Variants in TMF1 observed in about 807,000 individuals in gnomAD.
The protein encoded by TMF1 is TATA element modulatory factor 1.
In TMF1, 71 loss-of-function variants were observed where a neutral mutation model predicts 126.5. That is an observed-to-expected ratio of 0.56 (90% CI 0.46 to 0.68). The LOEUF (loss-of-function observed/expected upper bound fraction) is 0.68, where lower values mean the gene tolerates loss of function less well. Ranked by LOEUF, TMF1 falls within the 30% of genes least tolerant of loss-of-function variation. The pLI is 0.00. For missense variants in TMF1, 1,259 were observed against 1,253.2 expected (o/e 1.00, Z -0.07); for synonymous variants, 461 against 430.5 (o/e 1.07, Z -0.88).
chr3:69,039,009 C>T lies in TMF1; in HGVS notation c.1828G>A (p.Val610Ile). 1.3e-6 allele frequency: 2 copies of T among 1,543,586 alleles called. No homozygotes were observed. The highest frequency in any genetic ancestry group is 1.7e-6 in the Non-Finnish European group (2 of 1,146,632). Residue 610 changes from valine to isoleucine, a missense_variant and splice_region_variant, in exon 7 of 17, where the codon GTC becomes ATC. Coordinates refer to ENST00000398559, the MANE Select transcript of TMF1 (RefSeq NM_007114.3). ...LEEELQHLKQ[V>I]LDGKEEVEKQ... ...TCAACCTCTTCTTTGCCATCAAGGA[C>T]CTATATGTTATAAAAACAGACAAAA...
Position 69,039,674 on chromosome 3 carries a change from C to T in TMF1, c.1704G>A (p.Gln568=). 6.2e-7 allele frequency: 1 copy of T among 1,610,720 alleles called. No homozygotes were observed. The highest frequency in any genetic ancestry group is 8.5e-7 in the Non-Finnish European group (1 of 1,179,070). Residue 568 remains glutamine, a synonymous_variant, in exon 6 of 17, where the codon CAG becomes CAA. Transcript: ENST00000398559. ...LMEEGEKLSK[Q]QLHNSNIIKK... is the part of the protein sequence containing the mutation. ...TGATGATGTTAGAATTGTGCAGCTG[C>T]TGTTTTGAAAGTTTTTCTCCTGGTG...
At chr3:69,028,124 G>T in intron 12 of TMF1, 102 bp downstream of exon 12, 1 of 1,170,676 alleles carries the variant, frequency 8.5e-7, no homozygotes, top group Non-Finnish European at 1.3e-6. Flanking sequence ...TCCAAAAGCA[G>T]TGGCATCACC....
intron 13 of TMF1, among the ~76,000 whole-genome samples, chr3:69,027,679 T>TA (rs11318005): frequency 1.2e-3 from 154 of 130,690 alleles, no homozygotes; most frequent in African/African-American, 2.8e-3. Flanking sequence ...GCTGATGAAC[T>TA]AAAAAAAAAA....
intron 9 of TMF1, 42 bp from the exon 10 acceptor site, chr3:69,033,746 A>G (rs370826273): frequency 6.7e-7 from 1 of 1,496,710 alleles, no homozygotes; most frequent in Non-Finnish European, 9.0e-7. Context: ...TGACAGCAAT[A>G]AAAACATTAA....
In TMF1 at chr3:69,047,759, T is replaced by G. The variant is rs777273848; in HGVS notation, c.946A>C (p.Ser316Arg). 1 of 1,614,112 alleles carries G rather than the reference T, an allele frequency of 6.2e-7. No homozygotes were observed. The highest frequency in any genetic ancestry group is 1.7e-5 in the Admixed American group (1 of 60,012). ...TCAAAAGCATCAGATGAACAGCAAC[T>G]CTCAGTGAGTTTTTGGAAATCATCT... ...RLDDFQKLTE[S>R]CCSSDAFERI... Residue 316 changes from serine (S) to arginine (R), a missense_variant, in exon 2 of 17, where the codon AGT becomes CGT. Coordinates refer to ENST00000398559, the MANE Select transcript of TMF1 (RefSeq NM_007114.3).
In TMF1 at chr3:69,027,941, T is replaced by G. The variant is rs2091779180; in HGVS notation, c.2716A>C (p.Arg906=). The change falls in exon 13 of 17, where the codon AGG becomes CGG. Residue 906 remains arginine, a synonymous_variant. Transcript: ENST00000398559. The stretch of plus-strand genomic sequence containing the variant: ...TCTTGAGTAAAAATGGCTTTCTTCC[T>G]TTCTTGTTCAACTTTCATTCTTTCC... ...EMERMKVEQE[R]KKAIFTQETI... 1 of 1,589,054 alleles carries G rather than the reference T, an allele frequency of 6.3e-7. No homozygotes were observed. Among genetic ancestry groups the G allele is most frequent in the African/African-American group, 1.3e-5 (1 of 74,364 alleles).
rs117184929 is a variant in TMF1 at position 69,045,154 on chromosome 3, T to C, written c.1348-559A>G. Among the ~76,000 whole-genome samples the C allele has an allele frequency of 1.0e-3, 158 of 152,324 alleles. 3 individuals are homozygous for C. The East Asian group carries it at 0.026, about 25-fold the overall frequency. On this transcript the variant is annotated intron_variant, in intron 2 of 16. Transcript: ENST00000398559. Reference sequence around the variant, plus strand: ...CATACCCTTTTTAAAATATGACATATTGCATTTAAAAAATAAAAGTAGGCC... The same window carrying C: ...CATACCCTTTTTAAAATATGACATACTGCATTTAAAAAATAAAAGTAGGCC...
In TMF1 at chr3:69,047,574, A is replaced by G. The variant is rs760996031; in HGVS notation, c.1131T>C (p.Ser377=). ...SKTVESAEGK[S]EEVNETLVIP... is the part of the protein sequence containing the mutation. The stretch of plus-strand genomic sequence containing the variant: ...TAACTAATGTTTCATTTACTTCTTC[A>G]GATTTTCCTTCAGCAGATTCAACTG... The change falls in exon 2 of 17, where the codon TCT becomes TCC. Residue 377 remains serine, a synonymous_variant. Transcript: ENST00000398559. The G allele has an allele frequency of 1.1e-5, 18 of 1,614,020 alleles. No individual in the cohort carries two copies. In the South Asian group the frequency reaches 1.4e-4, roughly 13 times the overall value.
intron 1 of TMF1, among the ~76,000 whole-genome samples, chr3:69,050,026 G>A (rs1280250470): frequency 2.6e-5 from 4 of 152,100 alleles, no homozygotes; most frequent in African/African-American, 9.6e-5. Context: ...TTGGGAGGCC[G>A]AGGCGGGCGG....
At chr3:69,034,859 A>C (rs1189306651) in intron 9 of TMF1, 164 bp downstream of exon 9, 1 of 642,244 alleles carries the variant, frequency 1.6e-6, no homozygotes, top group Admixed American at 2.8e-5. Context: ...ATAATTTTTA[A>C]GGTGCCCACT....
intron 2 of TMF1, among the ~76,000 whole-genome samples, chr3:69,046,700 A>G (rs1376116333): frequency 1.3e-5 from 2 of 152,210 alleles, no homozygotes; most frequent in Non-Finnish European, 2.9e-5. Flanking sequence ...CACATGTATT[A>G]GGTAGAAGCA....
chr3:69,023,931 C>T, intron 16 of TMF1, 124 bp downstream of exon 16: 1 of 893,092 alleles, frequency 1.1e-6, no homozygotes, highest in Non-Finnish European at 1.6e-6. Context: ...AACTTCTTTG[C>T]TCAAATATTA....
chr3:69,048,235 A>G lies in TMF1; in HGVS notation c.470T>C (p.Leu157Ser), dbSNP rs1369940230. The G allele has an allele frequency of 6.2e-7, 1 of 1,614,104 alleles. No individual in the cohort carries two copies. Among genetic ancestry groups the G allele is most frequent in the African/African-American group, 1.3e-5 (1 of 74,946 alleles). The change falls in exon 2 of 17, where the codon TTG (leucine) becomes TCG (serine). Residue 157 changes from leucine to serine, a missense_variant. Physicochemically the swap from Leu to Ser is moderately radical, Grantham distance 145. Transcript: ENST00000398559. ...TTESQVKDSS[L>S]CVSGETLAAG... ...TGCCAGAGTTTCCCCTGAAACACAC[A>G]AAGAAGAGTCTTTTACTTGTGATTC... is the stretch of plus-strand genomic sequence containing the variant.
Position 69,047,671 on chromosome 3 carries a change from T to C in TMF1, c.1034A>G (p.Asp345Gly), listed in dbSNP as rs1382981056. ...DSRSVSEINS[D>G]DELSGKGYAL... ...ATATCCCTTGCCTGACAATTCATCA[T>C]CTGAATTGATTTCACTTACACTCCG... is the stretch of plus-strand genomic sequence containing the variant. Residue 345 changes from aspartate (D) to glycine (G), a missense_variant, in exon 2 of 17, where the codon GAT (aspartate) becomes GGT (glycine). Coordinates refer to ENST00000398559, the MANE Select transcript of TMF1 (RefSeq NM_007114.3). 1.2e-6 allele frequency: 2 copies of C among 1,613,638 alleles called. No homozygotes were observed. The highest frequency in any genetic ancestry group is 1.7e-6 in the Non-Finnish European group (2 of 1,179,670).
Position 69,021,248 on chromosome 3 carries a change from A to C in TMF1, c.*1929T>G, listed in dbSNP as rs15780. ...ATCATAGGTATATATGTATAGGAAA[A>C]AACAGTGTATAGAGGTGTCTATACT... On this transcript the variant is annotated 3_prime_UTR_variant, in exon 17 of 17. Transcript: ENST00000398559. The C allele has an allele frequency of 0.28, 43,042 of 152,468 alleles. 6,414 individuals are homozygous for C. The highest frequency in any genetic ancestry group is 0.52 in the East Asian group (2,710 of 5,166). The allele number at this position is 152,468 out of a possible 1,614,324, so 9.4% of individuals were successfully genotyped here. A position where few individuals can be genotyped will look rare whatever the true frequency, so the allele number is the denominator to read the frequency against.
intron 10 of TMF1, chr3:69,030,242 A>G: frequency 2.5e-6 from 1 of 393,840 alleles, no homozygotes; most frequent in East Asian, 4.1e-5. Flanking sequence ...ATGCATTAAA[A>G]GAGTAGTGGA....
At chr3:69,030,995 T>C (rs1455724812) in intron 10 of TMF1, among the ~76,000 whole-genome samples, 1 of 152,192 alleles carries the variant, frequency 6.6e-6, no homozygotes, top group Non-Finnish European at 1.5e-5. Context: ...GGAATCAGCC[T>C]GGACGTCCCT....
Position 69,044,685 on chromosome 3 carries a change from A to G in TMF1, c.1348-90T>C, listed in dbSNP as rs557392645. The G allele has an allele frequency of 3.8e-5, 28 of 741,020 alleles. No homozygotes were observed. In the South Asian group the frequency reaches 4.8e-4, roughly 13 times the overall value. 45.9% of individuals were successfully genotyped at this position (741,020 alleles called of 1,614,324 possible). A position where few individuals can be genotyped will look rare whatever the true frequency, so the allele number is the denominator to read the frequency against. On this transcript the variant is annotated intron_variant, in intron 2 of 16. Coordinates refer to ENST00000398559, the MANE Select transcript of TMF1 (RefSeq NM_007114.3). The stretch of plus-strand genomic sequence containing the variant: ...GGTGTATCACTGTAACAAAGAAAAC[A>G]GCTTTATCTCATAAAAACAATCAAG...
intron 8 of TMF1, chr3:69,035,384 T>TG (rs1418453148): frequency 2.5e-6 from 1 of 395,836 alleles, no homozygotes; most frequent in Non-Finnish European, 4.6e-6. Context: ...CATACAATAT[T>TG]GGAGAAAAGA....
Sources: allele counts gnomAD v4.1 joint callset (sites outside exome capture counted in the v4.1 genomes callset), GRCh38; gene constraint gnomAD v4.1.1; transcripts MANE v1.5; gene names NCBI Gene and HGNC (gene_info 2026-07-23, HGNC 2026-07-21).